Variants in BABAM2 observed in about 807,000 individuals in gnomAD.
BABAM2 encodes the protein BRISC and BRCA1-A complex member 2.
BABAM2 carries 31 observed loss-of-function variants against 54.7 expected under a neutral mutation model. The ratio of observed to expected loss-of-function variants is 0.57; its 90% CI spans 0.43 to 0.77. The LOEUF is 0.77. BABAM2 is among the 30% of genes least tolerant of loss of function. BABAM2 has a pLI of 0.00. For synonymous variants in BABAM2, 167 were observed against 162.9 expected (o/e 1.03, Z -0.19); for missense variants, 364 against 455.8 (o/e 0.80, Z 1.83).
chr2:27,916,133 A>G (rs566531973), intron 2 of BABAM2, among the ~76,000 whole-genome samples: 1 of 152,312 alleles, frequency 6.6e-6, no homozygotes, highest in Admixed American at 6.5e-5. Flanking sequence ...GCCAAGGTAA[A>G]TACTCCTTAG....
chr2:27,911,929 A>G (rs1398146900), intron 2 of BABAM2, among the ~76,000 whole-genome samples: 1 of 152,072 alleles, frequency 6.6e-6, no homozygotes, highest in South Asian at 2.1e-4. Flanking sequence ...CTTTTCACAA[A>G]ACCTACACCA....
At chr2:28,116,083 C>G (rs1006999769) in intron 6 of BABAM2, among the ~76,000 whole-genome samples, 1 of 151,712 alleles carries the variant, frequency 6.6e-6, no homozygotes, top group Non-Finnish European at 1.5e-5. Context: ...CCATTGCACT[C>G]CAGCCTGGGC....
intron 2 of BABAM2, among the ~76,000 whole-genome samples, chr2:27,910,148 C>A (rs762531868): frequency 6.6e-5 from 10 of 152,130 alleles, no homozygotes; most frequent in Non-Finnish European, 1.2e-4. Context: ...GTTTGTTAGG[C>A]CTGTCTCCCT....
At chr2:28,198,604 C>G (rs1425612668) in intron 7 of BABAM2, among the ~76,000 whole-genome samples, 3 of 152,154 alleles carry the variant, frequency 2.0e-5, no homozygotes, top group Admixed American at 6.6e-5. Context: ...GTCCATAGTA[C>G]CTGTCCTTCC....
intron 10 of BABAM2, among the ~76,000 whole-genome samples, chr2:28,282,682 T>A (rs1174530624): frequency 1.3e-5 from 2 of 152,058 alleles, no homozygotes; most frequent in African/African-American, 2.4e-5. Context: ...AAATGCTGAT[T>A]TTCCTCCTTT....
intron 6 of BABAM2, among the ~76,000 whole-genome samples, chr2:28,115,444 A>G (rs911179793): frequency 3.3e-5 from 5 of 151,726 alleles, no homozygotes; most frequent in Non-Finnish European, 5.9e-5. Context: ...GGCTAACACG[A>G]TGAAACCCTG....
intron 6 of BABAM2, among the ~76,000 whole-genome samples, chr2:28,063,043 G>A (rs1043491045): frequency 6.6e-6 from 1 of 152,178 alleles, no homozygotes; most frequent in Non-Finnish European, 1.5e-5. Context: ...TCATCCATGT[G>A]ATTCTGCTAG....
chr2:28,167,291 A>T (rs1024040320), intron 7 of BABAM2, among the ~76,000 whole-genome samples: 3 of 152,244 alleles, frequency 2.0e-5, no homozygotes, highest in African/African-American at 7.2e-5. Flanking sequence ...AAACAATTTC[A>T]GAGAAAATAT....
chr2:28,232,146 G>A (rs1244265919), intron 7 of BABAM2, among the ~76,000 whole-genome samples: 1 of 152,132 alleles, frequency 6.6e-6, no homozygotes, highest in Non-Finnish European at 1.5e-5. Flanking sequence ...GAACTGGTGA[G>A]AAAGTTGAGT....
intron 7 of BABAM2, among the ~76,000 whole-genome samples, chr2:28,182,745 G>A (rs1353550094): frequency 1.3e-5 from 2 of 152,166 alleles, no homozygotes; most frequent in East Asian, 1.9e-4. Context: ...CTTTAAAAAC[G>A]AATGTTGACT....
chr2:28,167,610 C>T (rs1673830085), intron 7 of BABAM2, among the ~76,000 whole-genome samples: 2 of 151,634 alleles, frequency 1.3e-5, no homozygotes, highest in African/African-American at 4.8e-5. Context: ...AGGAGAATCG[C>T]TTGAACCCGG....
intron 11 of BABAM2, among the ~76,000 whole-genome samples, chr2:28,334,813 T>C (rs1293245215): frequency 1.3e-5 from 2 of 152,210 alleles, no homozygotes; most frequent in Non-Finnish European, 2.9e-5. Context: ...TTATCACCCC[T>C]ACTGTTCGTA....
intron 6 of BABAM2, among the ~76,000 whole-genome samples, chr2:28,077,537 A>G (rs1483928657): frequency 6.6e-6 from 1 of 152,200 alleles, no homozygotes; most frequent in Non-Finnish European, 1.5e-5. Flanking sequence ...TTTAAACCCA[A>G]ATAAATATTA....
At chr2:28,112,147 T>TTCTTTCTTTCTTTCTTTCTTTCCTCCC (rs1558346715) in intron 6 of BABAM2, among the ~76,000 whole-genome samples, 1 of 5,240 alleles carries the variant, frequency 1.9e-4, no homozygotes, top group Non-Finnish European at 3.2e-4. Flanking sequence ...CTTTCTTTCT[T>TTCTTTCTTTCTTTCTTTCTTTCCTCCC]TACCTCCCTC....
At chr2:28,192,396 G>A (rs972061368) in intron 7 of BABAM2, among the ~76,000 whole-genome samples, 3 of 149,196 alleles carry the variant, frequency 2.0e-5, no homozygotes, top group African/African-American at 7.3e-5. Context: ...TTATACATAC[G>A]TAAAAAACCT....
chr2:28,096,060 C>A (rs1204063116), intron 6 of BABAM2, among the ~76,000 whole-genome samples: 1 of 151,982 alleles, frequency 6.6e-6, no homozygotes, highest in Non-Finnish European at 1.5e-5. Context: ...CTCTTACTCC[C>A]TGTACTCGTT....
intron 10 of BABAM2, among the ~76,000 whole-genome samples, chr2:28,249,517 C>G (rs1329927403): frequency 6.6e-6 from 1 of 152,130 alleles, no homozygotes; most frequent in Non-Finnish European, 1.5e-5. Flanking sequence ...TTGCCAACTT[C>G]TTGTCTAGTT....
chr2:28,288,532 G>A (rs979589297), intron 10 of BABAM2, among the ~76,000 whole-genome samples: 10 of 151,938 alleles, frequency 6.6e-5, no homozygotes, highest in African/African-American at 2.4e-4. Context: ...TACCATGTTC[G>A]TCAGGCTGGT....
At chr2:28,253,289 C>A (rs1276742948) in intron 10 of BABAM2, among the ~76,000 whole-genome samples, 1 of 151,714 alleles carries the variant, frequency 6.6e-6, no homozygotes, top group Non-Finnish European at 1.5e-5. Context: ...GTAATCCCAG[C>A]TACTCAGGAG....
Sources: allele counts gnomAD v4.1 joint callset (sites outside exome capture counted in the v4.1 genomes callset), GRCh38; gene constraint gnomAD v4.1.1; transcripts MANE v1.5; gene names NCBI Gene and HGNC (gene_info 2026-07-23, HGNC 2026-07-21).